The following OLFM3 variants were observed in gnomAD, a reference collection of about 807,000 sequenced individuals.
OLFM3 encodes noelin-3.
OLFM3 carries 20 observed loss-of-function variants against 48.6 expected under a neutral mutation model. The observed-to-expected ratio is 0.41, with a 90% CI of 0.29 to 0.60. The LOEUF is 0.60. Among genes scored for constraint, OLFM3 ranks in the 20% least tolerant of loss-of-function variants. The pLI, the probability that OLFM3 is intolerant of heterozygous loss-of-function variation, is 0.28. For synonymous variants in OLFM3, 222 were observed against 198.1 expected, an observed-to-expected ratio of 1.12 and a Z score of -1.01; for missense variants, 437 against 544.3, an observed-to-expected ratio of 0.80 and a Z score of 1.96.
intron 4 of OLFM3, among the ~76,000 whole-genome samples, chr1:101,814,129 C>T (rs146923179): frequency 6.6e-6 from 1 of 152,180 alleles, no homozygotes; most frequent in African/African-American, 2.4e-5. Context: ...CTTATTTTTA[C>T]CTGGTTTTGT....
intron 1 of OLFM3, among the ~76,000 whole-genome samples, chr1:101,854,100 T>C (rs1164830323): frequency 6.6e-6 from 1 of 152,028 alleles, no homozygotes; most frequent in Non-Finnish European, 1.5e-5. Context: ...TATCTATATG[T>C]ATATCAAGTA....
chr1:101,828,901 A>G (rs931112896), intron 3 of OLFM3, among the ~76,000 whole-genome samples: 2 of 152,212 alleles, frequency 1.3e-5, no homozygotes, highest in African/African-American at 4.8e-5. Context: ...AGAATTGAAA[A>G]TTGACATAGT....
At chr1:101,846,830 A>G (rs753452390) in intron 1 of OLFM3, 1 of 1,595,412 alleles carries the variant, frequency 6.3e-7, no homozygotes, top group Admixed American at 1.7e-5. Context: ...GGCCAAACCC[A>G]CCGCAGTAAC....
At chr1:101,811,610 A>G (rs1340261708) in intron 4 of OLFM3, among the ~76,000 whole-genome samples, 3 of 152,220 alleles carry the variant, frequency 2.0e-5, no homozygotes, top group Non-Finnish European at 4.4e-5. Flanking sequence ...TGGCCATCAG[A>G]GAAATGCAAA....
chr1:101,927,735 T>C (rs1256044534), intron 1 of OLFM3, among the ~76,000 whole-genome samples: 2 of 149,098 alleles, frequency 1.3e-5, no homozygotes, highest in African/African-American at 2.4e-5. Flanking sequence ...TTTATTATAT[T>C]TATTTTAAAT....
chr1:101,844,891 C>G (rs1655912474), intron 1 of OLFM3, among the ~76,000 whole-genome samples: 1 of 152,130 alleles, frequency 6.6e-6, no homozygotes, highest in Non-Finnish European at 1.5e-5. Flanking sequence ...TTCCACCTTT[C>G]TAGCATTAAC....
At chr1:101,967,883 C>T (rs1660663013) in intron 1 of OLFM3, among the ~76,000 whole-genome samples, 1 of 152,008 alleles carries the variant, frequency 6.6e-6, no homozygotes, top group African/African-American at 2.4e-5. Context: ...ATTCTTCCGC[C>T]CCCAGCACCC....
chr1:101,896,742 C>T (rs1429352692), intron 1 of OLFM3, among the ~76,000 whole-genome samples: 29 of 149,830 alleles, frequency 1.9e-4, no homozygotes, highest in Non-Finnish European at 4.2e-4. Context: ...CCTTGTGATC[C>T]GCCCGCCTCG....
At chr1:101,809,751 A>G (rs1653958249) in intron 4 of OLFM3, among the ~76,000 whole-genome samples, 1 of 151,856 alleles carries the variant, frequency 6.6e-6, no homozygotes, top group Non-Finnish European at 1.5e-5. Context: ...AGAGGCATTT[A>G]TTGATGTATA....
intron 1 of OLFM3, among the ~76,000 whole-genome samples, chr1:101,975,227 A>G (rs1453930188): frequency 6.6e-6 from 1 of 152,210 alleles, no homozygotes; most frequent in Non-Finnish European, 1.5e-5. Flanking sequence ...CATTTATATT[A>G]ACACTTAAAG....
intron 1 of OLFM3, 128 bp downstream of exon 1, chr1:101,996,620 G>C (rs1032909385): frequency 3.3e-6 from 3 of 899,468 alleles, no homozygotes; most frequent in African/African-American, 3.3e-5. Flanking sequence ...GTGGGGATAC[G>C]CCAGACACCA....
intron 1 of OLFM3, among the ~76,000 whole-genome samples, chr1:101,909,376 A>G (rs1345061195): frequency 1.3e-5 from 2 of 152,270 alleles, no homozygotes; most frequent in Admixed American, 1.3e-4. Context: ...TTTTTTGTAC[A>G]AATGAAAAGT....
intron 1 of OLFM3, among the ~76,000 whole-genome samples, chr1:101,937,974 A>G (rs866025429): frequency 9.2e-5 from 14 of 152,224 alleles, no homozygotes; most frequent in Middle Eastern, 3.4e-3. Flanking sequence ...AGCTCTATTT[A>G]TTGCTTTCCC....
intron 1 of OLFM3, among the ~76,000 whole-genome samples, chr1:101,855,756 C>A (rs1191661565): frequency 2.0e-5 from 3 of 152,040 alleles, no homozygotes; most frequent in East Asian, 1.9e-4. Context: ...CTCACTAGGG[C>A]AGACTGAAGT....
At chr1:101,893,361 T>G in intron 1 of OLFM3, 1 of 388,158 alleles carries the variant, frequency 2.6e-6, no homozygotes, top group Middle Eastern at 5.5e-4. Flanking sequence ...GCTGTGTGCA[T>G]GGAGACCCAG....
At chr1:101,976,804 A>T (rs1012387871) in intron 1 of OLFM3, among the ~76,000 whole-genome samples, 3 of 152,188 alleles carry the variant, frequency 2.0e-5, no homozygotes, top group African/African-American at 7.2e-5. Flanking sequence ...GACTCCAAGA[A>T]AGATAACTTT....
chr1:101,879,627 T>A (rs748834675), intron 1 of OLFM3, among the ~76,000 whole-genome samples: 1 of 151,876 alleles, frequency 6.6e-6, no homozygotes, highest in Non-Finnish European at 1.5e-5. Context: ...TTAATATAAG[T>A]GGATTTATAT....
intron 1 of OLFM3, among the ~76,000 whole-genome samples, chr1:101,841,234 C>T (rs1655704960): frequency 6.6e-6 from 1 of 152,096 alleles, no homozygotes; most frequent in South Asian, 2.1e-4. Flanking sequence ...CTTATAAAAT[C>T]CCTGCTATTG....
At chr1:101,952,576 T>G (rs987049241) in intron 1 of OLFM3, among the ~76,000 whole-genome samples, 10 of 152,182 alleles carry the variant, frequency 6.6e-5, no homozygotes, top group African/African-American at 2.4e-4. Context: ...GTATATGTAT[T>G]GCATATGTTT....
Sources: allele counts gnomAD v4.1 joint callset (sites outside exome capture counted in the v4.1 genomes callset), GRCh38; gene constraint gnomAD v4.1.1; transcripts MANE v1.5; gene names NCBI Gene and HGNC (gene_info 2026-07-23, HGNC 2026-07-21).